Variants in MTSS1 observed in about 807,000 individuals in gnomAD.
The protein encoded by MTSS1 is MTSS I-BAR domain containing 1, also known as protein MTSS 1.
MTSS1 carries 18 observed loss-of-function variants against 79.0 expected under a neutral mutation model. The ratio of observed to expected loss-of-function variants is 0.23; its 90% CI spans 0.16 to 0.34. The LOEUF (loss-of-function observed/expected upper bound fraction) is 0.34. Ranked by LOEUF, MTSS1 falls within the 10% of genes least tolerant of loss-of-function variation. MTSS1 has a pLI of 1.00. For synonymous variants in MTSS1, 341 were observed against 368.6 expected (o/e 0.93, Z 0.86); for missense variants, 815 against 986.2 (o/e 0.83, Z 2.33).
At chr8:124,607,505 C>T (rs570978884) in intron 3 of MTSS1, among the ~76,000 whole-genome samples, 1 of 152,260 alleles carries the variant, frequency 6.6e-6, no homozygotes, top group East Asian at 1.9e-4. Context: ...ATTCTAACCC[C>T]GGAATAGCAA....
chr8:124,711,965 G>A (rs980318281), intron 1 of MTSS1, among the ~76,000 whole-genome samples: 5 of 149,866 alleles, frequency 3.3e-5, no homozygotes, highest in Admixed American at 2.0e-4. Flanking sequence ...CCGAGATCAC[G>A]CCACTGCACT....
At chr8:124,651,789 G>A (rs541804691) in intron 3 of MTSS1, among the ~76,000 whole-genome samples, 51 of 152,214 alleles carry the variant, frequency 3.4e-4, no homozygotes, top group African/African-American at 9.6e-4. Flanking sequence ...CCCCAGACTC[G>A]AGGACCCAGT....
chr8:124,627,011 C>T (rs917239535), intron 3 of MTSS1, among the ~76,000 whole-genome samples: 8 of 152,120 alleles, frequency 5.3e-5, no homozygotes, highest in East Asian at 1.9e-4. Context: ...CGCAACATTG[C>T]TTCATTCCTC....
At chr8:124,639,369 T>G (rs562520560) in intron 3 of MTSS1, among the ~76,000 whole-genome samples, 9 of 152,162 alleles carry the variant, frequency 5.9e-5, no homozygotes, top group African/African-American at 2.2e-4. Context: ...TAATAAGATG[T>G]AAAATTATCA....
chr8:124,585,249 G>GTTTATGCTTTCTGTGAT, intron 5 of MTSS1, 88 bp from the exon 6 acceptor site: 4 of 950,338 alleles, frequency 4.2e-6, no homozygotes, highest in Non-Finnish European at 5.0e-6. Flanking sequence ...ATTTATCACA[G>GTTTATGCTTTCTGTGAT]AAAGCATAAA....
intron 3 of MTSS1, among the ~76,000 whole-genome samples, chr8:124,646,375 T>A (rs542466207): frequency 4.6e-5 from 7 of 152,290 alleles, no homozygotes; most frequent in African/African-American, 1.7e-4. Flanking sequence ...ATAGAGTCAT[T>A]TATTTACCAT....
At chr8:124,562,111 G>C (rs1825466474) in intron 10 of MTSS1, among the ~76,000 whole-genome samples, 1 of 152,182 alleles carries the variant, frequency 6.6e-6, no homozygotes, top group Non-Finnish European at 1.5e-5. Flanking sequence ...GACAGAGAGA[G>C]GATCACATAC....
intron 5 of MTSS1, among the ~76,000 whole-genome samples, chr8:124,587,749 C>A (rs1831126499): frequency 6.6e-6 from 1 of 152,174 alleles, no homozygotes; most frequent in African/African-American, 2.4e-5. Context: ...AAGTGATCCA[C>A]CCGCCTCGGC....
chr8:124,717,229 T>C (rs574568724), intron 1 of MTSS1, among the ~76,000 whole-genome samples: 27 of 152,170 alleles, frequency 1.8e-4, no homozygotes, highest in African/African-American at 3.6e-4. Context: ...TGGTGGCTCA[T>C]GCCTGTAATC....
At chr8:124,558,963 T>A in intron 10 of MTSS1, 2 of 1,250,968 alleles carry the variant, frequency 1.6e-6, no homozygotes, top group Non-Finnish European at 2.1e-6. Flanking sequence ...GAGACAGACA[T>A]ATACACAGAA....
Position 124,562,994 on chromosome 8 carries a change from TG to T in MTSS1, c.825-3del. On this transcript the variant is annotated splice_region_variant and splice_polypyrimidine_tract_variant and intron_variant, in intron 9 of 13. Coordinates refer to ENST00000518547, the MANE Select transcript of MTSS1 (RefSeq NM_014751.6). The stretch of plus-strand genomic sequence containing the variant: ...CTGCTGTTGACACTGTTCAGGCTGC[TG>T]TGGAGGACAAGCAGGGGTGAGGGGT... 1.2e-6 allele frequency: 2 copies of T among 1,603,036 alleles called. No homozygotes were observed. The highest frequency in any genetic ancestry group is 8.5e-7 in the Non-Finnish European group (1 of 1,175,606).
intron 3 of MTSS1, among the ~76,000 whole-genome samples, chr8:124,660,554 C>T (rs772442755): frequency 5.3e-5 from 8 of 152,074 alleles, no homozygotes; most frequent in South Asian, 2.1e-4. Context: ...CACTAACCCA[C>T]GCCTCCAACA....
At position 124,585,171 on chromosome 8, in the gene MTSS1, A is replaced by C. The variant is rs1830637765; in HGVS notation, c.386-10T>G. 1 of 1,605,396 alleles carries C rather than the reference A, an allele frequency of 6.2e-7. No individual in the cohort carries two copies. Among genetic ancestry groups the C allele is most frequent in the Non-Finnish European group, 8.5e-7 (1 of 1,174,142 alleles). On this transcript the variant is annotated splice_polypyrimidine_tract_variant and intron_variant, in intron 5 of 13. Transcript: ENST00000518547. ...CGGGCTTTCTTATATTCTAAGAGAA[A>C]GCAGAATATGGAACAATTTTACCAC...
At chr8:124,630,454 A>G (rs1815702933) in intron 3 of MTSS1, among the ~76,000 whole-genome samples, 1 of 152,220 alleles carries the variant, frequency 6.6e-6, no homozygotes, top group Non-Finnish European at 1.5e-5. Context: ...GAAAAAGGCC[A>G]CTTGTGACTC....
chr8:124,596,440 A>G (rs79267411), intron 3 of MTSS1, among the ~76,000 whole-genome samples: 1,992 of 152,314 alleles, frequency 0.013, 36 homozygotes, highest in African/African-American at 0.044. Context: ...AGCAGCACAA[A>G]ATCAGCCAGT....
In MTSS1 at chr8:124,722,416, G is replaced by A. The variant is rs140669736; in HGVS notation, c.72+5468C>T. 6.6e-5 allele frequency among the ~76,000 whole-genome samples: 10 copies of A among 152,322 alleles called. No individual in the cohort carries two copies. In the East Asian group the frequency reaches 1.2e-3, roughly 18 times the overall value. ...ACTTCCAGGTGTTGAGACGGGGACT[G>A]CTCTGGAGTGGATTCTGCACTGGGA... On this transcript the variant is annotated intron_variant, in intron 1 of 13. Coordinates refer to ENST00000518547, the MANE Select transcript of MTSS1 (RefSeq NM_014751.6).
intron 3 of MTSS1, among the ~76,000 whole-genome samples, chr8:124,635,166 C>T (rs1462252870): frequency 1.3e-5 from 2 of 152,210 alleles, no homozygotes; most frequent in Non-Finnish European, 2.9e-5. Flanking sequence ...CTAGCTCTTT[C>T]TTCCTATAAG....
intron 3 of MTSS1, among the ~76,000 whole-genome samples, chr8:124,603,225 C>T (rs1295563909): frequency 6.6e-6 from 1 of 152,178 alleles, no homozygotes; most frequent in Non-Finnish European, 1.5e-5. Flanking sequence ...GAGGTTTCAC[C>T]ATGTTGGCTA....
At chr8:124,707,572 G>A (rs1026834547) in intron 1 of MTSS1, among the ~76,000 whole-genome samples, 39 of 152,096 alleles carry the variant, frequency 2.6e-4, no homozygotes, top group Non-Finnish European at 1.2e-4. Flanking sequence ...AGCTGGGCGT[G>A]GTAGCAGGCA....
Sources: allele counts gnomAD v4.1 joint callset (sites outside exome capture counted in the v4.1 genomes callset), GRCh38; gene constraint gnomAD v4.1.1; transcripts MANE v1.5; gene names NCBI Gene and HGNC (gene_info 2026-07-23, HGNC 2026-07-21).